The following ZNF708 variants were observed in gnomAD, a reference collection of about 807,000 sequenced individuals.
ZNF708 encodes the protein zinc finger protein 708.
A neutral mutation model predicts 47.0 loss-of-function variants in ZNF708; 44 were observed. The ratio of observed to expected loss-of-function variants is 0.94; its 90% CI spans 0.74 to 1.20. ZNF708 has a LOEUF of 1.20. Ranked by LOEUF, ZNF708 falls within the 50% of genes most tolerant of loss-of-function variation. The pLI, the probability that ZNF708 is intolerant of heterozygous loss-of-function variation, is 0.00. For synonymous variants in ZNF708, 184 were observed against 218.5 expected (o/e 0.84, Z 1.39); for missense variants, 557 against 656.0 (o/e 0.85, Z 1.65).
intron 1 of ZNF708, among the ~76,000 whole-genome samples, chr19:21,320,709 A>G (rs1325467485): frequency 6.6e-6 from 1 of 151,464 alleles, no homozygotes; most frequent in East Asian, 1.9e-4. Context: ...AAAATAAAAT[A>G]AAAGATCTAA....
At chr19:21,296,308 C>G (rs1972525153) in intron 3 of ZNF708, among the ~76,000 whole-genome samples, 1 of 152,016 alleles carries the variant, frequency 6.6e-6, no homozygotes, top group Non-Finnish European at 1.5e-5. Context: ...CGAGACCAGT[C>G]TAGCTAACAT....
intron 1 of ZNF708, among the ~76,000 whole-genome samples, chr19:21,317,121 A>AC (rs898364340): frequency 2.0e-5 from 3 of 151,522 alleles, no homozygotes; most frequent in Non-Finnish European, 4.4e-5. Flanking sequence ...CAAATACAAA[A>AC]AAAAAAAAAT....
At chr19:21,329,126 G>C in intron 1 of ZNF708, 84 bp downstream of exon 1, 1 of 1,574,224 alleles carries the variant, frequency 6.4e-7, no homozygotes, top group African/African-American at 1.3e-5. Flanking sequence ...ATGACTGCGG[G>C]GAGTCCTGAG....
chr19:21,303,559 G>GA (rs898227278), intron 3 of ZNF708, among the ~76,000 whole-genome samples: 8 of 144,106 alleles, frequency 5.6e-5, no homozygotes, highest in East Asian at 2.0e-4. Flanking sequence ...TTCTCAAAAA[G>GA]AAAAAAAATT....
At chr19:21,325,371 T>C (rs543482523) in intron 1 of ZNF708, among the ~76,000 whole-genome samples, 1 of 152,262 alleles carries the variant, frequency 6.6e-6, no homozygotes, top group African/African-American at 2.4e-5. Flanking sequence ...AATAGGCACA[T>C]AGACCAATGG....
At chr19:21,297,280 T>C (rs1177309404) in intron 3 of ZNF708, among the ~76,000 whole-genome samples, 1 of 32,084 alleles carries the variant, frequency 3.1e-5, no homozygotes, top group Non-Finnish European at 5.5e-5. Context: ...ATTTTTTTTT[T>C]TTTTTTTTTT....
At chr19:21,310,132 A>G (rs1358356573) in intron 2 of ZNF708, among the ~76,000 whole-genome samples, 1 of 152,132 alleles carries the variant, frequency 6.6e-6, no homozygotes, top group East Asian at 1.9e-4. Flanking sequence ...TTTAGAGTAT[A>G]TTAGGAATTG....
At position 21,329,326 on chromosome 19, in the gene ZNF708, G is replaced by C. The variant is rs895037508; in HGVS notation, c.-114C>G. On this transcript the variant is annotated 5_prime_UTR_variant, in exon 1 of 4. Transcript: ENST00000356929. ...GCAGAGGACAAACAGCAGTGAAGAC[G>C]AGACCGGAGCTCCGGCTGCAGCAAG... 1.3e-6 allele frequency: 2 copies of C among 1,508,814 alleles called. No individual in the cohort carries two copies. Among genetic ancestry groups the C allele is most frequent in the Middle Eastern group, 1.8e-4 (1 of 5,690 alleles). The allele number at this position is 1,508,814 out of a possible 1,614,324, so 93.5% of individuals were successfully genotyped here. A position where few individuals can be genotyped will look rare whatever the true frequency, so the allele number is the denominator to read the frequency against.
intron 3 of ZNF708, among the ~76,000 whole-genome samples, chr19:21,307,515 G>C (rs984398418): frequency 6.6e-6 from 1 of 152,022 alleles, no homozygotes; most frequent in Non-Finnish European, 1.5e-5. Flanking sequence ...CCAGCTACTC[G>C]GGAGGCTGAA....
At chr19:21,327,009 C>T (rs923159966) in intron 1 of ZNF708, among the ~76,000 whole-genome samples, 24 of 151,824 alleles carry the variant, frequency 1.6e-4, no homozygotes, top group Non-Finnish European at 2.8e-4. Context: ...AATTCCTAAA[C>T]TTACTCTAAG....
chr19:21,315,271 G>A lies in ZNF708; in HGVS notation c.4-4644C>T, dbSNP rs139859981. 4.4e-3 allele frequency among the ~76,000 whole-genome samples: 669 copies of A among 152,280 alleles called. 11 individuals are homozygous for A. The highest frequency in any genetic ancestry group is 0.015 in the African/African-American group (644 of 41,552). On this transcript the variant is annotated intron_variant, in intron 1 of 3. Transcript: ENST00000356929. ...AAGAGCCACAGTCTCAAAGGGAGCT[G>A]TAGGATGTCTATGTTGACATCTCAC...
intron 1 of ZNF708, chr19:21,318,393 T>A (rs1192931386): frequency 6.6e-6 from 1 of 152,170 alleles, no homozygotes; most frequent in African/African-American, 2.4e-5. Context: ...TCTGAAGCAT[T>A]GAAGAGAAAA....
intron 1 of ZNF708, among the ~76,000 whole-genome samples, chr19:21,321,926 T>C (rs750223845): frequency 6.6e-6 from 1 of 151,952 alleles, no homozygotes; most frequent in Non-Finnish European, 1.5e-5. Context: ...GAGTGCAATA[T>C]AGATGGAAGG....
chr19:21,323,365 G>C (rs1225946210), intron 1 of ZNF708, among the ~76,000 whole-genome samples: 1 of 152,090 alleles, frequency 6.6e-6, no homozygotes, highest in African/African-American at 2.4e-5. Context: ...TTTCCCCAAG[G>C]CTTCTGAACT....
At chr19:21,301,654 G>C (rs376970266) in intron 3 of ZNF708, among the ~76,000 whole-genome samples, 1 of 151,342 alleles carries the variant, frequency 6.6e-6, no homozygotes, top group African/African-American at 2.4e-5. Context: ...AAAATTAGCT[G>C]GGCATGGTGG....
At chr19:21,316,070 A>AG (rs1378678820) in intron 1 of ZNF708, among the ~76,000 whole-genome samples, 1 of 149,792 alleles carries the variant, frequency 6.7e-6, no homozygotes, top group East Asian at 2.0e-4. Context: ...ACCTGTCTCA[A>AG]AAAAAAAAAA....
rs1362867247 is a variant in ZNF708 at position 21,313,120 on chromosome 19, T to C, written c.4-2493A>G. Among the ~76,000 whole-genome samples the C allele has an allele frequency of 4.3e-4, 12 of 27,916 alleles. No individual in the cohort carries two copies. The South Asian group carries it at 0.017, about 39-fold the overall frequency. The allele number at this position is 27,916 out of a possible 152,430, so 18.3% of individuals were successfully genotyped here. On this transcript the variant is annotated intron_variant, in intron 1 of 3. Transcript: ENST00000356929. ...GGTGAAACCTCATCTCTACTAAAAATACAAAAAAAAAAAAAAAATTAGCCA... is the reference window on the plus strand; with the variant it reads ...GGTGAAACCTCATCTCTACTAAAAACACAAAAAAAAAAAAAAAATTAGCCA...
intron 1 of ZNF708, among the ~76,000 whole-genome samples, chr19:21,317,092 T>G (rs911182325): frequency 1.4e-5 from 2 of 147,594 alleles, no homozygotes; most frequent in African/African-American, 5.1e-5. Context: ...CAGCCTTTGG[T>G]GAAACCCCAT....
At chr19:21,316,133 C>CTTTTTTTTTTTTTTTTTTTTTTTTTTTTT (rs544312163) in intron 1 of ZNF708, among the ~76,000 whole-genome samples, 1 of 105,500 alleles carries the variant, frequency 9.5e-6, no homozygotes, top group Non-Finnish European at 1.8e-5. Context: ...TTTCTTTTTT[C>CTTTTTTTTTTTTTTTTTTTTTTTTTTTTT]TTTTTTTTTT....
Sources: allele counts gnomAD v4.1 joint callset (sites outside exome capture counted in the v4.1 genomes callset), GRCh38; gene constraint gnomAD v4.1.1; transcripts MANE v1.5; gene names NCBI Gene and HGNC (gene_info 2026-07-23, HGNC 2026-07-21).